Variants in HMCN1 observed in about 807,000 individuals in gnomAD.
HMCN1 encodes the protein hemicentin-1.
Under a neutral mutation model 625.9 loss-of-function variants are expected in HMCN1, and 321 were observed. The observed-to-expected ratio is 0.51, with a 90% confidence interval of 0.47 to 0.56. HMCN1 has a LOEUF of 0.56. HMCN1 is among the 20% of genes least tolerant of loss of function. The probability of loss-of-function intolerance (pLI) is 0.00; values close to 1 mark genes in which losing one functional copy is unlikely to be tolerated. For synonymous variants in HMCN1, 2,425 were observed against 2,417.6 expected (o/e 1.00, Z -0.09); for missense variants, 6,588 against 6,887.3 (o/e 0.96, Z 1.54).
chr1:186,148,956 T>A (rs775467657), intron 93 of HMCN1, among the ~76,000 whole-genome samples: 24 of 151,400 alleles, frequency 1.6e-4, no homozygotes, highest in Non-Finnish European at 2.5e-4. Context: ...TTTTTTATTT[T>A]CCTGAGCGTT....
At position 185,962,514 on chromosome 1, in the gene HMCN1, G is replaced by T. The variant is rs1370337526; in HGVS notation, c.1829-4G>T. The T allele has an allele frequency of 1.2e-6, 2 of 1,612,556 alleles. No individual in the cohort carries two copies. The highest frequency in any genetic ancestry group is 2.7e-5 in the African/African-American group (2 of 74,848). ...TTTCTACATACGTATATTTTTATTT[G>T]CAGAACCACCCAAAGTCACTGTGAT... On this transcript the variant is annotated splice_region_variant and splice_polypyrimidine_tract_variant and intron_variant, in intron 11 of 106. Coordinates refer to ENST00000271588, the MANE Select transcript of HMCN1 (RefSeq NM_031935.3).
At chr1:186,087,045 A>G (rs923456358) in intron 58 of HMCN1, among the ~76,000 whole-genome samples, 172 bp from the exon 59 acceptor site, 2 of 152,120 alleles carry the variant, frequency 1.3e-5, no homozygotes, top group African/African-American at 4.8e-5. Context: ...TAGGTGAATA[A>G]TAAAGGAAAG....
At chr1:186,129,773 T>G (rs555314180) in intron 83 of HMCN1, among the ~76,000 whole-genome samples, 193 bp from the exon 84 acceptor site, 1 of 152,310 alleles carries the variant, frequency 6.6e-6, no homozygotes, top group Non-Finnish European at 1.5e-5. Flanking sequence ...GCTGTTTTTG[T>G]TCTTCAAACA....
chr1:185,884,310 A>G (rs75829063), intron 4 of HMCN1, among the ~76,000 whole-genome samples: 1 of 152,022 alleles, frequency 6.6e-6, no homozygotes, highest in East Asian at 1.9e-4. Flanking sequence ...CATGGGGCTT[A>G]CCTTTTGCAT....
chr1:186,014,167 C>A (rs1373898432), intron 30 of HMCN1, among the ~76,000 whole-genome samples: 2 of 152,168 alleles, frequency 1.3e-5, no homozygotes, highest in East Asian at 3.9e-4. Context: ...GAAAATAGCA[C>A]TTTACCTGTA....
At chr1:185,905,347 G>A (rs1666036627) in intron 4 of HMCN1, among the ~76,000 whole-genome samples, 1 of 151,594 alleles carries the variant, frequency 6.6e-6, no homozygotes, top group Admixed American at 6.6e-5. Flanking sequence ...CGATAGTAGT[G>A]AACAAATCAG....
intron 1 of HMCN1, among the ~76,000 whole-genome samples, chr1:185,819,535 G>C (rs1285606551): frequency 6.6e-6 from 1 of 151,912 alleles, no homozygotes; most frequent in Non-Finnish European, 1.5e-5. Context: ...TAAAATATAA[G>C]TTAGTCAGAA....
chr1:185,773,028 A>G (rs1656350352), intron 1 of HMCN1, among the ~76,000 whole-genome samples: 1 of 152,108 alleles, frequency 6.6e-6, no homozygotes, highest in Non-Finnish European at 1.5e-5. Context: ...TGCATTGGGG[A>G]TTGTTTCCAG....
intron 1 of HMCN1, among the ~76,000 whole-genome samples, chr1:185,803,599 G>C (rs1044247184): frequency 3.3e-5 from 5 of 152,090 alleles, no homozygotes; most frequent in African/African-American, 1.2e-4. Context: ...GGACAGAAAA[G>C]GATGAGGCAG....
intron 97 of HMCN1, among the ~76,000 whole-genome samples, chr1:186,160,303 TTC>T (rs1254553497): frequency 1.4e-5 from 2 of 148,068 alleles, no homozygotes; most frequent in Non-Finnish European, 3.0e-5. Context: ...TATTTGATTC[TTC>T]TCTCTTTTTT....
chr1:185,934,840 G>A (rs978152273), intron 11 of HMCN1, among the ~76,000 whole-genome samples: 1 of 152,084 alleles, frequency 6.6e-6, no homozygotes, highest in Non-Finnish European at 1.5e-5. Flanking sequence ...CTAAATCTTA[G>A]AATGTTATTA....
At chr1:185,888,345 G>A (rs1302248873) in intron 4 of HMCN1, among the ~76,000 whole-genome samples, 4 of 142,842 alleles carry the variant, frequency 2.8e-5, no homozygotes, top group Non-Finnish European at 5.9e-5. Flanking sequence ...GTCTTTTGTT[G>A]CCATTGCTTT....
chr1:186,053,660 T>C (rs981256604), intron 43 of HMCN1, among the ~76,000 whole-genome samples, 165 bp from the exon 44 acceptor site: 1 of 152,094 alleles, frequency 6.6e-6, no homozygotes, highest in Non-Finnish European at 1.5e-5. Context: ...TTTCAGTTCA[T>C]TTAAATATTA....
intron 1 of HMCN1, among the ~76,000 whole-genome samples, chr1:185,769,402 G>A (rs1427666894): frequency 6.6e-6 from 1 of 152,062 alleles, no homozygotes; most frequent in African/African-American, 2.4e-5. Flanking sequence ...AGCCATGACT[G>A]TGCCACTGCA....
At chr1:185,915,034 G>A (rs1184645203) in intron 6 of HMCN1, among the ~76,000 whole-genome samples, 1 of 152,064 alleles carries the variant, frequency 6.6e-6, no homozygotes, top group Admixed American at 6.6e-5. Flanking sequence ...AAAATGATAA[G>A]AGAGTGGCAG....
chr1:185,887,320 ATTATAC>A (rs1571503933), intron 4 of HMCN1, among the ~76,000 whole-genome samples: 2 of 151,884 alleles, frequency 1.3e-5, no homozygotes, highest in African/African-American at 4.8e-5. Context: ...ATTTTTTATT[ATTATAC>A]TTTAAGTTTT....
intron 1 of HMCN1, among the ~76,000 whole-genome samples, chr1:185,844,856 G>A (rs189738703): frequency 5.9e-4 from 90 of 152,154 alleles, no homozygotes; most frequent in Non-Finnish European, 9.9e-4. Context: ...GAAGCTCTGG[G>A]GATTGAAATA....
intron 1 of HMCN1, among the ~76,000 whole-genome samples, chr1:185,833,385 C>A (rs866101581): frequency 1.3e-5 from 2 of 152,142 alleles, no homozygotes; most frequent in African/African-American, 4.8e-5. Context: ...GGGCTATATA[C>A]AATGTGAACT....
At chr1:186,053,466 T>C (rs1657103319) in intron 43 of HMCN1, among the ~76,000 whole-genome samples, 1 of 152,028 alleles carries the variant, frequency 6.6e-6, no homozygotes, top group African/African-American at 2.4e-5. Flanking sequence ...ACAATAGATC[T>C]ACGTAATAAA....
Sources: gnomAD v4.1 joint callset for allele counts (sites outside exome capture counted in the v4.1 genomes callset) on GRCh38, gnomAD v4.1.1 for gene constraint, MANE v1.5 for transcripts, NCBI Gene and HGNC (gene_info 2026-07-23, HGNC 2026-07-21) for gene names.